Variants in COL6A2 observed in about 807,000 individuals in gnomAD.
COL6A2 encodes collagen type VI alpha 2 chain, also known as collagen alpha-2(VI) chain.
A neutral mutation model predicts 124.9 loss-of-function variants in COL6A2; 90 were observed. That is an observed-to-expected ratio of 0.72 (90% CI 0.61 to 0.86). The LOEUF (loss-of-function observed/expected upper bound fraction) is 0.86, where lower values mean the gene tolerates loss of function less well. COL6A2 is among the 40% of genes least tolerant of loss of function. COL6A2 has a pLI of 0.00. For missense variants in COL6A2, 1,607 were observed against 1,502.5 expected (o/e 1.07, Z -1.15); for synonymous variants, 793 against 618.2 (o/e 1.28, Z -4.19).
At chr21:46,130,445 G>T (rs544421659) in intron 27 of COL6A2, among the ~76,000 whole-genome samples, 1 of 152,112 alleles carries the variant, frequency 6.6e-6, no homozygotes, top group Non-Finnish European at 1.5e-5. Context: ...TGCCGGGCAC[G>T]GCTGTGACCA....
At chr21:46,121,654 T>A in intron 18 of COL6A2, 36 bp downstream of exon 18, 1 of 1,607,372 alleles carries the variant, frequency 6.2e-7, no homozygotes. Flanking sequence ...GTATTAGGGG[T>A]TCGGGGCAGC....
chr21:46,118,552 G>T, intron 12 of COL6A2, 62 bp from the exon 13 acceptor site: 1 of 1,533,240 alleles, frequency 6.5e-7, no homozygotes, highest in Non-Finnish European at 9.0e-7. Context: ...CCCCGCAGCG[G>T]GCATCCTGCA....
At position 46,126,246 on chromosome 21, in the gene COL6A2, G is replaced by A. The variant is rs1377684787; in HGVS notation, c.2422+9G>A. On this transcript the variant is annotated intron_variant, in intron 26 of 27. Coordinates refer to ENST00000300527, the MANE Select transcript of COL6A2 (RefSeq NM_001849.4). ...GGACGTCCTCTGCCCGGGTGAGCGT[G>A]TGGGCGCGGGGCAGTCGGCCGAGGA... The A allele has an allele frequency of 2.5e-6, 4 of 1,598,032 alleles. No homozygotes were observed. In the Admixed American group the frequency reaches 5.0e-5, roughly 20 times the overall value.
At chr21:46,117,960 G>A (rs767026683) in intron 12 of COL6A2, 24 bp downstream of exon 12, 1 of 1,603,572 alleles carries the variant, frequency 6.2e-7, no homozygotes, top group South Asian at 1.1e-5. Flanking sequence ...TCAGGGTACG[G>A]GGCAGGCGGG....
chr21:46,123,975 GAGTGGGGGGATGGGTA>G (rs1186889707), intron 21 of COL6A2, among the ~76,000 whole-genome samples: 4 of 147,564 alleles, frequency 2.7e-5, no homozygotes, highest in African/African-American at 1.0e-4. Context: ...GTATGTGAGT[GAGTGGGGGGATGGGTA>G]GGTGGGTGGA....
chr21:46,132,601 A>T lies in COL6A2; in HGVS notation c.*49A>T, dbSNP rs1184569887. ...CGAGGGTCGTGAGCCCACCCCGTCC[A>T]TGGTGCTAAGCGGGCCCGGGTCCCA... On this transcript the variant is annotated 3_prime_UTR_variant, in exon 28 of 28. Coordinates refer to ENST00000300527, the MANE Select transcript of COL6A2 (RefSeq NM_001849.4). The T allele has an allele frequency of 6.5e-7, 1 of 1,531,476 alleles. No individual in the cohort carries two copies. Among genetic ancestry groups the T allele is most frequent in the Non-Finnish European group, 8.8e-7 (1 of 1,136,294 alleles). The allele number at this position is 1,531,476 out of a possible 1,614,324, so 94.9% of individuals were successfully genotyped here. A position where few individuals can be genotyped will look rare whatever the true frequency, so the allele number is the denominator to read the frequency against.
In COL6A2 at chr21:46,132,746, A is replaced by C. The variant is rs1173137546; in HGVS notation, c.*194A>C. ...CCCCAGGTCTCCCCAGGCCCTCCGCAGGCTGCCCGGCCTCCCTCCCCCTGC... is the reference window on the plus strand; with the variant it reads ...CCCCAGGTCTCCCCAGGCCCTCCGCCGGCTGCCCGGCCTCCCTCCCCCTGC... On this transcript the variant is annotated 3_prime_UTR_variant, in exon 28 of 28. Coordinates refer to ENST00000300527, the MANE Select transcript of COL6A2 (RefSeq NM_001849.4). The C allele has an allele frequency of 1.6e-6, 1 of 608,310 alleles. No individual in the cohort carries two copies. The highest frequency in any genetic ancestry group is 2.9e-6 in the Non-Finnish European group (1 of 350,662). The allele number at this position is 608,310 out of a possible 1,614,324, so 37.7% of individuals were successfully genotyped here. A position where few individuals can be genotyped will look rare whatever the true frequency, so the allele number is the denominator to read the frequency against.
At chr21:46,113,973 C>T in intron 4 of COL6A2, 35 bp from the exon 5 acceptor site, 4 of 1,587,148 alleles carry the variant, frequency 2.5e-6, no homozygotes, top group Non-Finnish European at 3.5e-6. Context: ...AATGTCCCAC[C>T]CATGCAACCT....
chr21:46,098,527 GC>G (rs1471864777), intron 1 of COL6A2, among the ~76,000 whole-genome samples: 1 of 151,798 alleles, frequency 6.6e-6, no homozygotes, highest in East Asian at 1.9e-4. Flanking sequence ...GGCACCGCAC[GC>G]CCCGCCAGGC....
At chr21:46,118,543 C>A in intron 12 of COL6A2, 71 bp from the exon 13 acceptor site, 1 of 1,468,656 alleles carries the variant, frequency 6.8e-7, no homozygotes, top group Non-Finnish European at 9.5e-7. Flanking sequence ...GGGTCCTGCC[C>A]CCGCAGCGGG....
chr21:46,121,480 C>A lies in COL6A2; in HGVS notation c.1459-76C>A, dbSNP rs115344658. On this transcript the variant is annotated intron_variant, in intron 17 of 27. Coordinates refer to ENST00000300527, the MANE Select transcript of COL6A2 (RefSeq NM_001849.4). ...ATGTGGCCTGGTGGTCAGGGCTGGA[C>A]GGGGCATGTCAGGTGACCCCTGGGC... The A allele has an allele frequency of 1.2e-5, 17 of 1,414,082 alleles. No homozygotes were observed. In the East Asian group the frequency reaches 3.7e-4, roughly 31 times the overall value. 87.6% of individuals were successfully genotyped at this position (1,414,082 alleles called of 1,614,324 possible).
intron 21 of COL6A2, 83 bp downstream of exon 21, chr21:46,123,020 A>G (rs2078591465): frequency 7.5e-7 from 1 of 1,326,836 alleles, no homozygotes; most frequent in Non-Finnish European, 1.1e-6. Context: ...ATCTATGAGT[A>G]CAGGAGAACG....
chr21:46,114,783 A>G (rs1454603685), intron 5 of COL6A2, among the ~76,000 whole-genome samples: 1 of 152,216 alleles, frequency 6.6e-6, no homozygotes, highest in Admixed American at 6.5e-5. Flanking sequence ...AGGTGCATCA[A>G]ATAAAGTCCT....
chr21:46,100,830 T>G (rs142624171), intron 1 of COL6A2, among the ~76,000 whole-genome samples: 1 of 152,366 alleles, frequency 6.6e-6, no homozygotes, highest in African/African-American at 2.4e-5. Context: ...GCTTCCACGT[T>G]TGAGCTACTG....
At position 46,112,362 on chromosome 21, in the gene COL6A2, G is replaced by A. The variant is rs115957676; in HGVS notation, c.499G>A (p.Gly167Ser). Residue 167 changes from glycine to serine, a missense_variant, in exon 3 of 28, where the codon GGC (glycine) becomes AGC (serine). Physicochemically the swap from Gly to Ser is moderately conservative, Grantham distance 56 (BLOSUM62 0). Transcript: ENST00000300527. ...GGTCATCACCGACGGCCACGTCACC[G>A]GCAGCCCCTGCGGGGGCATCAAGCT... ...AVVITDGHVT[G>S]SPCGGIKLQA... 5.6e-4 allele frequency: 898 copies of A among 1,608,264 alleles called. 6 individuals are homozygous for A. In the African/African-American group the frequency reaches 9.3e-3, roughly 17 times the overall value.
intron 21 of COL6A2, among the ~76,000 whole-genome samples, chr21:46,123,828 G>GTGCATAAAGGATGGA (rs1420472600): frequency 6.8e-6 from 1 of 148,074 alleles, no homozygotes; most frequent in Admixed American, 6.7e-5. Context: ...GAATGGATGG[G>GTGCATAAAGGATGGA]TGCATAAAGG....
intron 15 of COL6A2, 64 bp downstream of exon 15, chr21:46,119,914 G>A (rs2078534055): frequency 1.4e-6 from 2 of 1,427,052 alleles, no homozygotes; most frequent in South Asian, 1.2e-5. Flanking sequence ...TGCTGACGAG[G>A]GCCCCAACCC....
chr21:46,102,279 G>A (rs2123593070), intron 1 of COL6A2, among the ~76,000 whole-genome samples: 1 of 152,082 alleles, frequency 6.6e-6, no homozygotes, highest in East Asian at 1.9e-4. Flanking sequence ...TTTATTAGTT[G>A]TAACAGTTTT....
At chr21:46,120,940 AG>A in intron 16 of COL6A2, 120 bp from the exon 17 acceptor site, 1 of 923,386 alleles carries the variant, frequency 1.1e-6, no homozygotes, top group Non-Finnish European at 1.8e-6. Context: ...GGAGGGTCAT[AG>A]GGGCCGGGGC....
Sources: allele counts gnomAD v4.1 joint callset (sites outside exome capture counted in the v4.1 genomes callset), GRCh38; gene constraint gnomAD v4.1.1; transcripts MANE v1.5; gene names NCBI Gene and HGNC (gene_info 2026-07-23, HGNC 2026-07-21).